ITGAE: variants seen among roughly 807,000 people sequenced by gnomAD.
ITGAE encodes integrin alpha-E.
ITGAE carries 99 observed loss-of-function variants against 136.5 expected under a neutral mutation model. The observed-to-expected ratio is 0.73, with a 90% CI of 0.62 to 0.86. The LOEUF (loss-of-function observed/expected upper bound fraction) is 0.86. ITGAE is among the 40% of genes least tolerant of loss of function. ITGAE has a pLI of 0.00. For missense variants in ITGAE, 1,447 were observed against 1,515.3 expected, an observed-to-expected ratio of 0.95 and a Z score of 0.75; for synonymous variants, 613 against 591.8, an observed-to-expected ratio of 1.04 and a Z score of -0.52.
In ITGAE at chr17:3,761,850, G is replaced by A; in HGVS notation, c.315+65C>T. Reference sequence around the variant, plus strand: ...GCAGTCAGAACTGGTCTCAACACCAGGGTCAACCACGAGGGCTAGCACCAG... The same window carrying A: ...GCAGTCAGAACTGGTCTCAACACCAAGGTCAACCACGAGGGCTAGCACCAG... On this transcript the variant is annotated intron_variant, in intron 4 of 30. Coordinates refer to ENST00000263087, the MANE Select transcript of ITGAE (RefSeq NM_002208.5). 2.8e-6 allele frequency: 4 copies of A among 1,409,274 alleles called. No individual in the cohort carries two copies. In the Admixed American group the frequency reaches 7.2e-5, roughly 25 times the overall value. 87.3% of individuals were successfully genotyped at this position (1,409,274 alleles called of 1,614,324 possible). A position where few individuals can be genotyped will look rare whatever the true frequency, so the allele number is the denominator to read the frequency against.
rs1053197823 is a variant in ITGAE, at chr17:3,759,309, TCTC to T, written c.866+90_866+92del. On this transcript the variant is annotated intron_variant, in intron 8 of 30. Transcript: ENST00000263087. ...GGAAAGGCTGGAGCCCTAATTCTCT[TCTC>T]CTGCGGTTCTGGCCAGCCACTTCCT... is the stretch of plus-strand genomic sequence containing the variant. The T allele has an allele frequency of 1.1e-5, 15 of 1,428,060 alleles. No individual in the cohort carries two copies. The African/African-American group carries it at 2.0e-4, about 19-fold the overall frequency. The allele number at this position is 1,428,060 out of a possible 1,614,324, so 88.5% of individuals were successfully genotyped here. A position where few individuals can be genotyped will look rare whatever the true frequency, so the allele number is the denominator to read the frequency against.
chr17:3,800,454 C>T lies in ITGAE; in HGVS notation c.34+657G>A, dbSNP rs201304860. Among the ~76,000 whole-genome samples the T allele has an allele frequency of 9.2e-5, 14 of 152,308 alleles. No individual in the cohort carries two copies. The East Asian group carries it at 1.7e-3, about 19-fold the overall frequency. On this transcript the variant is annotated intron_variant, in intron 1 of 30. Coordinates refer to ENST00000263087, the MANE Select transcript of ITGAE (RefSeq NM_002208.5). ...AGCAGCCTCCAGGGGCTCACCTGAC[C>T]GTGCTGTCTCATCACAGGGGGCCCC...
chr17:3,755,957 CAG>C (rs2052010985), intron 10 of ITGAE, 60 bp from the exon 11 acceptor site: 3 of 1,504,964 alleles, frequency 2.0e-6, no homozygotes, highest in African/African-American at 1.4e-5. Context: ...GAAACTGAGT[CAG>C]GGGACAGTCC....
At chr17:3,744,917 G>T (rs2051676317) in intron 18 of ITGAE, among the ~76,000 whole-genome samples, 1 of 152,194 alleles carries the variant, frequency 6.6e-6, no homozygotes, top group Non-Finnish European at 1.5e-5. Flanking sequence ...CTCTGGTAGA[G>T]AATGTGATTA....
At position 3,731,099 on chromosome 17, in the gene ITGAE, C is replaced by G; in HGVS notation, c.2834+5G>C. Reference sequence around the variant, plus strand: ...TGACTCTGCTGTGACCCAGGCAGTACTTACTTGGTGACAGTCACAGTGATG... The same window carrying G: ...TGACTCTGCTGTGACCCAGGCAGTAGTTACTTGGTGACAGTCACAGTGATG... On this transcript the variant is annotated splice_donor_5th_base_variant and intron_variant, in intron 23 of 30. Transcript: ENST00000263087. 1 of 1,611,530 alleles carries G rather than the reference C, an allele frequency of 6.2e-7. No individual in the cohort carries two copies. The highest frequency in any genetic ancestry group is 1.7e-5 in the Admixed American group (1 of 59,974).
intron 21 of ITGAE, 122 bp downstream of exon 21, chr17:3,734,695 G>T (rs1158066348): frequency 5.0e-6 from 6 of 1,205,524 alleles, no homozygotes; most frequent in Non-Finnish European, 6.0e-6. Context: ...TTAACCATCT[G>T]TTGGTTGGAC....
intron 29 of ITGAE, chr17:3,718,032 G>C (rs548216616): frequency 3.3e-5 from 5 of 152,328 alleles, no homozygotes; most frequent in African/African-American, 9.6e-5. Flanking sequence ...TCCCAAAAGT[G>C]CCCCAAAGAT....
intron 30 of ITGAE, among the ~76,000 whole-genome samples, chr17:3,715,521 C>T (rs2737126): frequency 0.23 from 34,174 of 151,838 alleles, 4,748 homozygotes; most frequent in South Asian, 0.49. Flanking sequence ...CCTACGCGTA[C>T]GCAGAGGCAC....
At chr17:3,723,837 C>G in intron 26 of ITGAE, 93 bp from the exon 27 acceptor site, 1 of 1,543,354 alleles carries the variant, frequency 6.5e-7, no homozygotes, top group East Asian at 2.3e-5. Flanking sequence ...GGTGCGCATG[C>G]GCAGGGCCGG....
At chr17:3,739,941 G>A (rs547515225) in intron 19 of ITGAE, 63 bp from the exon 20 acceptor site, 15 of 1,347,412 alleles carry the variant, frequency 1.1e-5, no homozygotes, top group South Asian at 3.5e-5. Context: ...CCCTGCCTCC[G>A]GCTCTTCTCC....
In ITGAE at chr17:3,755,148, T is replaced by TGCCGCC. The variant is rs759129765; in HGVS notation, c.1347_1352dup (p.Ala450_Ala451dup). On this transcript the variant is annotated inframe_insertion, in exon 12 of 31. Transcript: ENST00000263087. The stretch of plus-strand genomic sequence containing the variant: ...AGCTGTACTGCGCAGCCTCCGCGTC[T>TGCCGCC]GCCGCCGCCGCCGCTGTCTGGTTCA... 1 of 1,487,776 alleles carries TGCCGCC rather than the reference T, an allele frequency of 6.7e-7. No individual in the cohort carries two copies. The highest frequency in any genetic ancestry group is 9.1e-7 in the Non-Finnish European group (1 of 1,104,766). 92.2% of individuals were successfully genotyped at this position (1,487,776 alleles called of 1,614,324 possible). A position where few individuals can be genotyped will look rare whatever the true frequency, so the allele number is the denominator to read the frequency against.
chr17:3,723,255 T>C (rs1387889052), intron 28 of ITGAE, 33 bp downstream of exon 28: 1 of 1,383,562 alleles, frequency 7.2e-7, no homozygotes, highest in South Asian at 1.2e-5. Context: ...AGCAACTGGA[T>C]AATCAAATCT....
intron 29 of ITGAE, among the ~76,000 whole-genome samples, chr17:3,719,888 C>T (rs2143006116): frequency 6.6e-6 from 1 of 152,138 alleles, no homozygotes; most frequent in Non-Finnish European, 1.5e-5. Flanking sequence ...CCATCATGTC[C>T]GGCTAATTTT....
Position 3,785,496 on chromosome 17 carries a change from G to GAGGAAGGAAGGAAGGA in ITGAE, c.35-7852_35-7837dup, listed in dbSNP as rs71153402. Among the ~76,000 whole-genome samples, 113 of 107,808 alleles carry GAGGAAGGAAGGAAGGA rather than the reference G, an allele frequency of 1.0e-3. 2 individuals carry two copies. The highest frequency in any genetic ancestry group is 2.6e-3 in the Admixed American group (24 of 9,306). The allele number at this position is 107,808 out of a possible 152,430, so 70.7% of individuals were successfully genotyped here. On this transcript the variant is annotated intron_variant, in intron 1 of 30. Coordinates refer to ENST00000263087, the MANE Select transcript of ITGAE (RefSeq NM_002208.5). ...GAAAGAAAGGAAGGAAGGAAGGAAG[G>GAGGAAGGAAGGAAGGA]AGGAAGGAAGGAAGGAAGGAAGGAA... is the stretch of plus-strand genomic sequence containing the variant.
chr17:3,790,444 T>A (rs1300600107), intron 1 of ITGAE, among the ~76,000 whole-genome samples: 1 of 151,248 alleles, frequency 6.6e-6, no homozygotes, highest in Non-Finnish European at 1.5e-5. Flanking sequence ...GAGGCGGAGG[T>A]TGCAGTGAGC....
intron 15 of ITGAE, 123 bp from the exon 16 acceptor site, chr17:3,750,605 T>A: frequency 8.5e-7 from 1 of 1,172,032 alleles, no homozygotes. Context: ...GCCCCGAGTC[T>A]AGAACCAGGA....
chr17:3,762,190 T>C (rs148315628), intron 3 of ITGAE, among the ~76,000 whole-genome samples: 55 of 152,296 alleles, frequency 3.6e-4, no homozygotes, highest in African/African-American at 1.1e-3. Context: ...CGGGGCTCAT[T>C]TGCTGACCCT....
intron 22 of ITGAE, 92 bp from the exon 23 acceptor site, chr17:3,731,275 G>A (rs1391671125): frequency 1.6e-5 from 14 of 859,418 alleles, no homozygotes; most frequent in Admixed American, 1.4e-4. Flanking sequence ...CCTAGGAGAC[G>A]ATTCCTCAGA....
At chr17:3,720,875 G>A (rs534851679) in intron 28 of ITGAE, among the ~76,000 whole-genome samples, 18 of 150,490 alleles carry the variant, frequency 1.2e-4, no homozygotes, top group African/African-American at 4.4e-4. Flanking sequence ...GAGCTGCCGC[G>A]CCTGGCCTTT....
Sources: allele counts gnomAD v4.1 joint callset (sites outside exome capture counted in the v4.1 genomes callset), GRCh38; gene constraint gnomAD v4.1.1; transcripts MANE v1.5; gene names NCBI Gene and HGNC (gene_info 2026-07-23, HGNC 2026-07-21).